The following AOAH variants were observed in gnomAD, a reference collection of about 807,000 sequenced individuals.
The protein encoded by AOAH is acyloxyacyl hydrolase.
Under a neutral mutation model 92.2 loss-of-function variants are expected in AOAH, and 64 were observed. That is an observed-to-expected ratio of 0.69 (90% CI 0.57 to 0.86). The LOEUF (loss-of-function observed/expected upper bound fraction) is 0.86, where lower values mean the gene tolerates loss of function less well. AOAH is among the 40% of genes least tolerant of loss of function. AOAH has a pLI of 0.00. For missense variants in AOAH, 656 were observed against 694.6 expected (o/e 0.94, Z 0.62); for synonymous variants, 263 against 254.5 (o/e 1.03, Z -0.32).
At chr7:36,703,852 A>G (rs1305726826) in intron 1 of AOAH, among the ~76,000 whole-genome samples, 1 of 152,116 alleles carries the variant, frequency 6.6e-6, no homozygotes, top group Non-Finnish European at 1.5e-5. Flanking sequence ...GTTGAATGTT[A>G]TTTATAGTTT....
At chr7:36,606,723 A>T (rs1407224816) in intron 11 of AOAH, among the ~76,000 whole-genome samples, 1 of 152,182 alleles carries the variant, frequency 6.6e-6, no homozygotes, top group Non-Finnish European at 1.5e-5. Context: ...TTCAACAAAC[A>T]ACTCAAGCAG....
intron 1 of AOAH, among the ~76,000 whole-genome samples, chr7:36,699,932 C>G (rs553813667): frequency 1.4e-3 from 219 of 152,058 alleles, no homozygotes; most frequent in African/African-American, 5.2e-3. Flanking sequence ...AGTTTCATGT[C>G]TTAGATTTAA....
chr7:36,613,645 C>T (rs1010147830), intron 11 of AOAH, among the ~76,000 whole-genome samples: 1 of 152,142 alleles, frequency 6.6e-6, no homozygotes, highest in African/African-American at 2.4e-5. Context: ...GCTGCCTGAC[C>T]ACTTTGCTCT....
At chr7:36,705,769 G>C (rs1226264935) in intron 1 of AOAH, among the ~76,000 whole-genome samples, 1 of 151,980 alleles carries the variant, frequency 6.6e-6, no homozygotes, top group Admixed American at 6.6e-5. Context: ...TAACCAAAAG[G>C]CTGCAGTAAC....
chr7:36,527,638 G>A (rs910113973), intron 19 of AOAH, among the ~76,000 whole-genome samples: 1 of 152,174 alleles, frequency 6.6e-6, no homozygotes, highest in Non-Finnish European at 1.5e-5. Flanking sequence ...AACTTTACAA[G>A]TTTTGTTTTA....
chr7:36,535,292 T>A (rs1001162346), intron 16 of AOAH, among the ~76,000 whole-genome samples: 2 of 152,114 alleles, frequency 1.3e-5, no homozygotes, highest in Non-Finnish European at 2.9e-5. Context: ...ACGGTTTGCG[T>A]CTTCATAATC....
At chr7:36,706,588 T>C (rs1233019003) in intron 1 of AOAH, among the ~76,000 whole-genome samples, 1 of 152,212 alleles carries the variant, frequency 6.6e-6, no homozygotes, top group Non-Finnish European at 1.5e-5. Flanking sequence ...CAGCTGGGTA[T>C]TGACTTCTCC....
At position 36,659,195 on chromosome 7, in the gene AOAH, G is replaced by T. The variant is rs746617975; in HGVS notation, c.361C>A (p.Pro121Thr). ...GGAAGAGGGTAGAGATGACACAATGGTTGGCCAGTGTTCTGTTTACAAAAC... is the reference window on the plus strand; with the variant it reads ...GGAAGAGGGTAGAGATGACACAATGTTTGGCCAGTGTTCTGTTTACAAAAC... ...LEFCKQNTGQ[P>T]LCHLYPLPKE... Residue 121 changes from proline (P) to threonine (T), a missense_variant, in exon 4 of 21, where the codon CCA becomes ACA. By Grantham distance (38) the Pro-to-Thr change is conservative. Transcript: ENST00000617537. The T allele has an allele frequency of 6.2e-7, 1 of 1,613,946 alleles. No individual in the cohort carries two copies. The highest frequency in any genetic ancestry group is 1.1e-5 in the South Asian group (1 of 91,086).
chr7:36,720,132 T>C (rs1266525619), intron 1 of AOAH, among the ~76,000 whole-genome samples: 2 of 148,248 alleles, frequency 1.3e-5, no homozygotes. Context: ...GTTTCTAGAA[T>C]TCTAAAGTTT....
intron 20 of AOAH, among the ~76,000 whole-genome samples, chr7:36,517,156 G>GTCTTCCTTTCTT (rs1554360835): frequency 4.7e-4 from 45 of 95,432 alleles, no homozygotes; most frequent in Non-Finnish European, 6.5e-5. Context: ...ATCCATGTTA[G>GTCTTCCTTTCTT]TCTTTCTTTC....
intron 4 of AOAH, among the ~76,000 whole-genome samples, chr7:36,643,686 C>T (rs957974473): frequency 1.2e-4 from 19 of 152,230 alleles, no homozygotes; most frequent in African/African-American, 1.9e-4. Flanking sequence ...AATCTCATGT[C>T]GAATTGTAAC....
intron 1 of AOAH, among the ~76,000 whole-genome samples, chr7:36,718,850 G>C (rs1490015701): frequency 6.6e-6 from 1 of 152,098 alleles, no homozygotes; most frequent in Non-Finnish European, 1.5e-5. Flanking sequence ...AAATGTTCTG[G>C]AATTAGATAT....
intron 16 of AOAH, among the ~76,000 whole-genome samples, chr7:36,537,427 T>C (rs2116128419): frequency 6.6e-6 from 1 of 152,120 alleles, no homozygotes. Context: ...GTCTTGATTT[T>C]GGGGTGCCGT....
At chr7:36,663,864 T>C (rs1028749793) in intron 3 of AOAH, among the ~76,000 whole-genome samples, 1 of 152,106 alleles carries the variant, frequency 6.6e-6, no homozygotes, top group Non-Finnish European at 1.5e-5. Flanking sequence ...TTTTGTTTCA[T>C]AAGAAACTAT....
At chr7:36,536,641 G>C (rs1785075341) in intron 16 of AOAH, among the ~76,000 whole-genome samples, 1 of 151,986 alleles carries the variant, frequency 6.6e-6, no homozygotes, top group African/African-American at 2.4e-5. Context: ...TATCTCCCAG[G>C]GTTGTTTTAA....
At chr7:36,538,225 A>G (rs1011252056) in intron 16 of AOAH, among the ~76,000 whole-genome samples, 2 of 151,630 alleles carry the variant, frequency 1.3e-5, no homozygotes, top group South Asian at 2.1e-4. Context: ...ACGAGGTTTC[A>G]CTATGTTGGC....
chr7:36,671,858 G>A (rs1423237099), intron 3 of AOAH, among the ~76,000 whole-genome samples: 1 of 152,138 alleles, frequency 6.6e-6, no homozygotes, highest in African/African-American at 2.4e-5. Context: ...CAAGGGGTGA[G>A]TCTGGAAATG....
At chr7:36,717,672 T>C (rs1799306770) in intron 1 of AOAH, among the ~76,000 whole-genome samples, 1 of 151,918 alleles carries the variant, frequency 6.6e-6, no homozygotes, top group Non-Finnish European at 1.5e-5. Flanking sequence ...CTCCTTTTGA[T>C]TCTAAAATTC....
chr7:36,635,210 G>A (rs1047196093), intron 5 of AOAH, among the ~76,000 whole-genome samples: 1 of 152,202 alleles, frequency 6.6e-6, no homozygotes, highest in Non-Finnish European at 1.5e-5. Flanking sequence ...GCAACTGGCT[G>A]CATCTAATCC....
Sources: allele counts gnomAD v4.1 joint callset (sites outside exome capture counted in the v4.1 genomes callset), GRCh38; gene constraint gnomAD v4.1.1; transcripts MANE v1.5; gene names NCBI Gene and HGNC (gene_info 2026-07-23, HGNC 2026-07-21).